The following TLN2 variants were observed in gnomAD, a reference collection of about 807,000 sequenced individuals.
TLN2 encodes talin 2.
A neutral mutation model predicts 294.7 loss-of-function variants in TLN2; 118 were observed. The ratio of observed to expected loss-of-function variants is 0.40; its 90% CI spans 0.34 to 0.47. TLN2 has a LOEUF of 0.47. TLN2 is among the 20% of genes least tolerant of loss of function. The probability of loss-of-function intolerance (pLI) is 0.84; values close to 1 mark genes in which losing one functional copy is unlikely to be tolerated. For missense variants in TLN2, 3,083 were observed against 3,282.2 expected, an observed-to-expected ratio of 0.94 and a Z score of 1.48; for synonymous variants, 1,431 against 1,304.5, an observed-to-expected ratio of 1.10 and a Z score of -2.09.
At chr15:62,462,964 A>G (rs987185802) in intron 1 of TLN2, among the ~76,000 whole-genome samples, 2 of 152,132 alleles carry the variant, frequency 1.3e-5, no homozygotes, top group Admixed American at 6.5e-5. Flanking sequence ...GACAGCGCCA[A>G]ACTCTCTAGA....
chr15:62,486,753 T>G (rs963478969), intron 1 of TLN2, among the ~76,000 whole-genome samples: 11 of 151,978 alleles, frequency 7.2e-5, no homozygotes, highest in African/African-American at 2.7e-4. Context: ...AGTTGAGCAT[T>G]TAAAATCAGG....
chr15:62,516,607 C>T (rs553781158), intron 1 of TLN2, among the ~76,000 whole-genome samples: 1 of 152,320 alleles, frequency 6.6e-6, no homozygotes, highest in Admixed American at 6.5e-5. Flanking sequence ...GCTGTTGCAG[C>T]CTTGATCCGC....
chr15:62,638,394 C>G (rs2050626806), intron 3 of TLN2: 1 of 374,334 alleles, frequency 2.7e-6, no homozygotes, highest in Non-Finnish European at 5.3e-6. Context: ...TAACTGGGGA[C>G]AAATCTTTAT....
At chr15:62,633,197 C>A (rs8030325) in intron 3 of TLN2, among the ~76,000 whole-genome samples, 143,105 of 152,286 alleles carry the variant, frequency 0.94, 67,280 homozygotes, top group East Asian at 1. Flanking sequence ...TGGTTAGAGT[C>A]CTGCTCCTGT....
chr15:62,623,451 A>G (rs1399419694), intron 3 of TLN2, among the ~76,000 whole-genome samples: 1 of 152,220 alleles, frequency 6.6e-6, no homozygotes, highest in African/African-American at 2.4e-5. Context: ...ACTTACATTC[A>G]TGAGCATACT....
At chr15:62,585,875 G>A (rs926250743) in intron 1 of TLN2, among the ~76,000 whole-genome samples, 5 of 152,154 alleles carry the variant, frequency 3.3e-5, no homozygotes, top group African/African-American at 1.2e-4. Context: ...TGAGTTTCTA[G>A]CATGAGCTGT....
At chr15:62,620,886 T>A (rs1174732328) in intron 3 of TLN2, among the ~76,000 whole-genome samples, 1 of 129,838 alleles carries the variant, frequency 7.7e-6, no homozygotes, top group Non-Finnish European at 1.6e-5. Flanking sequence ...TCGCCCAGGC[T>A]GGAGTGCAGT....
intron 1 of TLN2, among the ~76,000 whole-genome samples, chr15:62,566,525 G>T (rs2043407416): frequency 1.3e-5 from 2 of 151,996 alleles, no homozygotes; most frequent in South Asian, 4.2e-4. Context: ...AGGGGAACTG[G>T]ATGACCAGGC....
intron 1 of TLN2, among the ~76,000 whole-genome samples, chr15:62,548,244 G>A (rs2042103734): frequency 6.6e-6 from 1 of 152,094 alleles, no homozygotes; most frequent in Non-Finnish European, 1.5e-5. Context: ...TTCAGGCAGG[G>A]GAATGACACA....
chr15:62,744,680 G>C (rs1490137901), intron 32 of TLN2, among the ~76,000 whole-genome samples: 1 of 152,112 alleles, frequency 6.6e-6, no homozygotes, highest in African/African-American at 2.4e-5. Flanking sequence ...CCGAGTAGCT[G>C]GGATTACAGG....
chr15:62,762,903 C>T (rs1215287142), intron 39 of TLN2, among the ~76,000 whole-genome samples: 1 of 152,198 alleles, frequency 6.6e-6, no homozygotes, highest in Non-Finnish European at 1.5e-5. Flanking sequence ...AAAGAATATT[C>T]TAGGGCCTGC....
intron 1 of TLN2, among the ~76,000 whole-genome samples, chr15:62,527,930 T>G (rs376661533): frequency 6.6e-6 from 1 of 152,342 alleles, no homozygotes; most frequent in East Asian, 1.9e-4. Flanking sequence ...TTTAAAAGTT[T>G]ATGACTTTTC....
intron 11 of TLN2, chr15:62,684,142 T>C (rs146046390): frequency 6.6e-6 from 1 of 152,372 alleles, no homozygotes; most frequent in Admixed American, 6.5e-5. Context: ...GTTTGTTCAC[T>C]GTGGCTTCCT....
intron 3 of TLN2, among the ~76,000 whole-genome samples, chr15:62,643,405 ATTTTTTTTTTTTTTTTTTTTTTT>A (rs571288380): frequency 3.3e-5 from 3 of 90,750 alleles, no homozygotes; most frequent in Admixed American, 1.2e-4. Flanking sequence ...TGGTTCCAGG[ATTTTTTTTTTTTTTTTTTTTTTT>A]TTTTTTTTTT....
At chr15:62,393,160 G>A (rs997183533) in intron 1 of TLN2, among the ~76,000 whole-genome samples, 1 of 152,150 alleles carries the variant, frequency 6.6e-6, no homozygotes, top group Non-Finnish European at 1.5e-5. Flanking sequence ...ACAGAAACAG[G>A]TCTCTTCATA....
chr15:62,542,432 C>T (rs1018602240), intron 1 of TLN2, among the ~76,000 whole-genome samples: 2 of 152,160 alleles, frequency 1.3e-5, no homozygotes, highest in Admixed American at 6.5e-5. Flanking sequence ...CCTCTTGATC[C>T]ACCTGCCTTG....
intron 1 of TLN2, among the ~76,000 whole-genome samples, chr15:62,459,572 A>G (rs1010162415): frequency 1.3e-5 from 2 of 152,170 alleles, no homozygotes; most frequent in African/African-American, 4.8e-5. Flanking sequence ...GAACATGTGC[A>G]GGTGTGCTAG....
intron 37 of TLN2, 110 bp from the exon 38 acceptor site, chr15:62,761,571 T>C: frequency 6.8e-7 from 1 of 1,474,176 alleles, no homozygotes; most frequent in Non-Finnish European, 9.3e-7. Flanking sequence ...TCACCAGAGA[T>C]TTTCAGTGTT....
chr15:62,844,366 G>A lies in TLN2; in HGVS notation c.*3756G>A, dbSNP rs1022518053. On this transcript the variant is annotated 3_prime_UTR_variant, in exon 59 of 59. Coordinates refer to ENST00000636159, the MANE Select transcript of TLN2 (RefSeq NM_015059.3). ...AGAGCTATTTCTTTTCAATAAAAAA[G>A]GTTTGGATTCGGCCTCTTCCTCTGA... The A allele has an allele frequency of 1.3e-5, 2 of 151,914 alleles. No individual in the cohort carries two copies. Among genetic ancestry groups the A allele is most frequent in the Non-Finnish European group, 2.9e-5 (2 of 68,008 alleles). The allele number at this position is 151,914 out of a possible 1,614,324, so 9.4% of individuals were successfully genotyped here.
Sources: gnomAD v4.1 joint callset for allele counts (sites outside exome capture counted in the v4.1 genomes callset) on GRCh38, gnomAD v4.1.1 for gene constraint, MANE v1.5 for transcripts, NCBI Gene and HGNC (gene_info 2026-07-23, HGNC 2026-07-21) for gene names.